ZNF215: variants seen among roughly 807,000 people sequenced by gnomAD.
ZNF215 encodes the protein BWSCR2-associated zinc finger protein 2.
Under a neutral mutation model 27.2 loss-of-function variants are expected in ZNF215, and 24 were observed. The observed-to-expected ratio is 0.88, with a 90% CI of 0.64 to 1.24. The LOEUF is 1.24. Ranked by LOEUF, ZNF215 falls within the 50% of genes most tolerant of loss-of-function variation. The probability of loss-of-function intolerance (pLI) is 0.00; values close to 1 mark genes in which losing one functional copy is unlikely to be tolerated. For synonymous variants in ZNF215, 210 were observed against 204.0 expected, an observed-to-expected ratio of 1.03 and a Z score of -0.25; for missense variants, 675 against 605.7, an observed-to-expected ratio of 1.11 and a Z score of -1.20.
intron 5 of ZNF215, among the ~76,000 whole-genome samples, chr11:6,979,526 A>G (rs954189566): frequency 6.6e-6 from 1 of 152,142 alleles, no homozygotes; most frequent in African/African-American, 2.4e-5. Context: ...ACTGTGAATA[A>G]GCCAAATAGT....
rs1041731104 is a variant in ZNF215, at chr11:6,942,496, T to C, written c.484-587T>C. On this transcript the variant is annotated intron_variant, in intron 4 of 6. Coordinates refer to ENST00000278319, the MANE Select transcript of ZNF215 (RefSeq NM_013250.4). ...AGGCAAATACAAGCAAATAAGGTAATTGTAGATAGTAATAATAATTACACA... is the reference window on the plus strand; with the variant it reads ...AGGCAAATACAAGCAAATAAGGTAACTGTAGATAGTAATAATAATTACACA... Among the ~76,000 whole-genome samples, 8 of 152,150 alleles carry C rather than the reference T, an allele frequency of 5.3e-5. No individual in the cohort carries two copies. In the East Asian group the frequency reaches 5.8e-4, roughly 11 times the overall value.
intron 6 of ZNF215, among the ~76,000 whole-genome samples, chr11:6,950,709 T>C (rs1400602620): frequency 3.3e-5 from 5 of 151,078 alleles, no homozygotes; most frequent in African/African-American, 1.2e-4. Context: ...CTTTTCCTAA[T>C]TGAATACCCT....
At chr11:6,990,784 G>C (rs1346531135), downstream of ZNF215, among the ~76,000 whole-genome samples, 2 of 29,048 alleles carry the variant, frequency 6.9e-5, no homozygotes, top group Non-Finnish European at 8.6e-5. Flanking sequence ...ACACACAAAG[G>C]GGACTTTGAA....
rs567680579 is a variant in ZNF215 at position 6,981,533 on chromosome 11, T to C, written c.806-2596T>C. Among the ~76,000 whole-genome samples, 11 of 152,254 alleles carry C rather than the reference T, an allele frequency of 7.2e-5. No individual in the cohort carries two copies. In the South Asian group the frequency reaches 1.7e-3, roughly 23 times the overall value. On this transcript the variant is annotated intron_variant, in intron 5 of 5. Coordinates refer to the ZNF215 transcript ENST00000529903. Reference sequence around the variant, plus strand: ...AGCCTTTTGTCAGATGAGTAGGTTGTGAAAATTTTCTCCCATTTTGTAGGT... The same window carrying C: ...AGCCTTTTGTCAGATGAGTAGGTTGCGAAAATTTTCTCCCATTTTGTAGGT...
chr11:6,956,718 T>G lies in ZNF215; in HGVS notation c.*187T>G, dbSNP rs1850375289. 21 of 1,380,200 alleles carry G rather than the reference T, an allele frequency of 1.5e-5. No individual in the cohort carries two copies. The highest frequency in any genetic ancestry group is 2.0e-5 in the Non-Finnish European group (21 of 1,074,632). The allele number at this position is 1,380,200 out of a possible 1,614,324, so 85.5% of individuals were successfully genotyped here. On this transcript the variant is annotated 3_prime_UTR_variant, in exon 7 of 7. Coordinates refer to ENST00000278319, the MANE Select transcript of ZNF215 (RefSeq NM_013250.4). ...GATAGAAATCTGTTTGAAGGAATTT[T>G]CCTGGTTTTCAGATGAAGCCATAAG...
rs931967117 is a variant in ZNF215 at position 6,953,024 on chromosome 11, T to G, written c.713-2666T>G. Among the ~76,000 whole-genome samples, 199 of 152,284 alleles carry G rather than the reference T, an allele frequency of 1.3e-3. 2 individuals carry two copies. The highest frequency in any genetic ancestry group is 1.4e-3 in the Non-Finnish European group (96 of 68,014). ...AGTTTGGCTGGATATGAAATTCTGG[T>G]TTGAAAATTCTTTTGTTTAAGAATG... On this transcript the variant is annotated intron_variant, in intron 6 of 6. Transcript: ENST00000278319.
intron 5 of ZNF215, among the ~76,000 whole-genome samples, chr11:6,965,129 G>A (rs113533497): frequency 0.016 from 2,443 of 152,176 alleles, 68 homozygotes; most frequent in African/African-American, 0.056. Context: ...GAAAGACAAA[G>A]ATGCAGAAGA....
intron 6 of ZNF215, among the ~76,000 whole-genome samples, chr11:6,950,202 A>C (rs1372160201): frequency 2.1e-5 from 3 of 141,588 alleles, no homozygotes; most frequent in Non-Finnish European, 4.7e-5. Context: ...CTTAGGATTG[A>C]CTTGGCGATG....
chr11:6,960,228 T>C (rs1322933260), downstream of ZNF215, among the ~76,000 whole-genome samples: 1 of 152,118 alleles, frequency 6.6e-6, no homozygotes, highest in African/African-American at 2.4e-5. Context: ...TGCAAATAAT[T>C]ACTAACTTTC....
At position 6,941,560 on chromosome 11, in the gene ZNF215, A is replaced by G. The variant is rs532764001; in HGVS notation, c.401-11A>G. The G allele has an allele frequency of 1.9e-6, 3 of 1,612,078 alleles. No homozygotes were observed. The African/African-American group carries it at 4.0e-5, about 22-fold the overall frequency. ...ACTTGTCTCCCTAATATTTTCCTTC[A>G]TCTTCCTCAGATATGCCCTGCAAGG... On this transcript the variant is annotated splice_polypyrimidine_tract_variant and intron_variant, in intron 3 of 6. Coordinates refer to ENST00000278319, the MANE Select transcript of ZNF215 (RefSeq NM_013250.4).
chr11:6,952,027 C>T (rs1192115686), intron 6 of ZNF215, among the ~76,000 whole-genome samples: 3 of 152,104 alleles, frequency 2.0e-5, no homozygotes, highest in African/African-American at 7.2e-5. Context: ...GTTTAGTTTC[C>T]ATGTAGTTGA....
At position 6,936,064 on chromosome 11, in the gene ZNF215, A is replaced by G. The variant is rs76606219; in HGVS notation, c.400+3392A>G. ...GGCATGGCTCAAATTGTAGCTATAA[A>G]TGCCTACATTAAAAAGATCTCAACC... is the stretch of plus-strand genomic sequence containing the variant. On this transcript the variant is annotated intron_variant, in intron 3 of 6. Coordinates refer to ENST00000278319, the MANE Select transcript of ZNF215 (RefSeq NM_013250.4). Among the ~76,000 whole-genome samples, 1,029 of 152,208 alleles carry G rather than the reference A, an allele frequency of 6.8e-3. 23 individuals are homozygous for G. Among genetic ancestry groups the G allele is most frequent in the South Asian group, 0.061 (293 of 4,822 alleles).
rs762715444 is a variant in ZNF215, at chr11:6,955,701, A to G, written c.724A>G (p.Ile242Val). The change falls in exon 7 of 7, where the codon ATT becomes GTT. Residue 242 changes from isoleucine to valine, a missense_variant. Physicochemically the swap from Ile to Val is conservative, Grantham distance 29 (BLOSUM62 3). Transcript: ENST00000278319. ...TTATTTCTCTTTAGACATGAAGAGT[A>G]TTTCTGGAGAAGAATCATCCCATGG... Reference protein sequence around the residue: ...PRKTIFDMKSISGEESSHGVI... With the variant: ...PRKTIFDMKSVSGEESSHGVI... The G allele has an allele frequency of 5.1e-6, 8 of 1,555,804 alleles. No individual in the cohort carries two copies. Among genetic ancestry groups the G allele is most frequent in the Middle Eastern group, 3.5e-4 (2 of 5,770 alleles).
At chr11:6,941,370 C>A (rs1316510330) in intron 3 of ZNF215, among the ~76,000 whole-genome samples, 1 of 152,186 alleles carries the variant, frequency 6.6e-6, no homozygotes, top group African/African-American at 2.4e-5. Context: ...GGTAGCATAT[C>A]AGAATCACAT....
At chr11:6,944,499 CCTGCCTCAGCTT>C (rs761042751) in intron 6 of ZNF215, among the ~76,000 whole-genome samples, 2 of 151,686 alleles carry the variant, frequency 1.3e-5, no homozygotes, top group Non-Finnish European at 2.9e-5. Flanking sequence ...AAGTGATCCT[CCTGCCTCAGCTT>C]CTACCTGGAG....
Position 6,956,129 on chromosome 11 carries a change from T to TGGG in ZNF215, c.1153_1155dup (p.Gly385dup). ...TGAATTCCTATGAATGTTATCAATG[T>TGGG]GGGAAAGCCTTCTGCCGAAGTTCAT... On this transcript the variant is annotated inframe_insertion, in exon 7 of 7. Transcript: ENST00000278319. The TGGG allele has an allele frequency of 6.2e-7, 1 of 1,613,834 alleles. No individual in the cohort carries two copies.
chr11:6,927,902 T>A (rs1849115048), intron 2 of ZNF215, 95 bp downstream of exon 2: 1 of 152,238 alleles, frequency 6.6e-6, no homozygotes, highest in African/African-American at 2.4e-5. Flanking sequence ...TTAATGCATC[T>A]CATTCTTGTT....
At chr11:6,968,929 A>C (rs1025017979) in intron 5 of ZNF215, among the ~76,000 whole-genome samples, 1 of 152,126 alleles carries the variant, frequency 6.6e-6, no homozygotes, top group African/African-American at 2.4e-5. Flanking sequence ...GTTTTAATAA[A>C]ACAAGGCTTG....
Position 6,975,988 on chromosome 11 carries a change from T to C in ZNF215, c.806-8141T>C, listed in dbSNP as rs138563887. 4.6e-3 allele frequency among the ~76,000 whole-genome samples: 703 copies of C among 152,230 alleles called. 4 individuals are homozygous for C. Among genetic ancestry groups the C allele is most frequent in the African/African-American group, 0.016 (680 of 41,560 alleles). On this transcript the variant is annotated intron_variant, in intron 5 of 5. Transcript: ENST00000529903. ...TCAACAGTATACAAGGGTTCCCTTTTCTCTAAATCCTCACCAAATGCTATG... is the reference window on the plus strand; with the variant it reads ...TCAACAGTATACAAGGGTTCCCTTTCCTCTAAATCCTCACCAAATGCTATG...
Sources: gnomAD v4.1 joint callset for allele counts (sites outside exome capture counted in the v4.1 genomes callset) on GRCh38, gnomAD v4.1.1 for gene constraint, MANE v1.5 for transcripts, NCBI Gene and HGNC (gene_info 2026-07-23, HGNC 2026-07-21) for gene names.